CCDC33: variants seen among roughly 807,000 people sequenced by gnomAD.
CCDC33 encodes the protein coiled-coil domain containing 33, also known as coiled-coil domain-containing protein 33.
CCDC33 carries 94 observed loss-of-function variants against 91.9 expected under a neutral mutation model. That is an observed-to-expected ratio of 1.02 (90% CI 0.87 to 1.21). The LOEUF is 1.21. Among genes scored for constraint, CCDC33 ranks in the 50% most tolerant of loss-of-function variants. The pLI is 0.00. For missense variants in CCDC33, 940 were observed against 935.5 expected (o/e 1.00, Z -0.06); for synonymous variants, 396 against 374.5 (o/e 1.06, Z -0.66).
At chr15:74,222,081 A>G (rs2074614122) in intron 2 of CCDC33, among the ~76,000 whole-genome samples, 1 of 152,268 alleles carries the variant, frequency 6.6e-6, no homozygotes, top group Admixed American at 6.5e-5. Flanking sequence ...GGACATTTTT[A>G]GGGGAAAATG....
chr15:74,215,513 T>A (rs2074417417), upstream of CCDC33, among the ~76,000 whole-genome samples: 1 of 152,164 alleles, frequency 6.6e-6, no homozygotes, highest in Non-Finnish European at 1.5e-5. Context: ...GTTAGGATGG[T>A]ACATTTTATG....
intron 1 of CCDC33, among the ~76,000 whole-genome samples, chr15:74,242,747 A>C (rs367691977): frequency 2.0e-5 from 3 of 151,804 alleles, no homozygotes; most frequent in African/African-American, 7.3e-5. Context: ...GGACAAGGAC[A>C]CCCCTGAGCC....
intron 1 of CCDC33, among the ~76,000 whole-genome samples, chr15:74,205,637 G>A (rs760713511): frequency 1.3e-5 from 2 of 152,152 alleles, no homozygotes; most frequent in African/African-American, 2.4e-5. Flanking sequence ...AAACCATATC[G>A]GGCACTGAAG....
intron 7 of CCDC33, 121 bp downstream of exon 7, chr15:74,273,012 C>T (rs937198318): frequency 4.9e-5 from 65 of 1,322,792 alleles, no homozygotes; most frequent in South Asian, 1.3e-4. Flanking sequence ...CTGAATCCCA[C>T]GGCATACCCA....
At chr15:74,210,537 A>G (rs1327086161) in intron 2 of CCDC33, among the ~76,000 whole-genome samples, 2 of 152,240 alleles carry the variant, frequency 1.3e-5, no homozygotes, top group Non-Finnish European at 2.9e-5. Context: ...ACACACAGCA[A>G]ACTGTTCACA....
chr15:74,305,590 C>T (rs2059878736), intron 11 of CCDC33, among the ~76,000 whole-genome samples: 1 of 152,198 alleles, frequency 6.6e-6, no homozygotes, highest in Non-Finnish European at 1.5e-5. Context: ...GCCACATGAG[C>T]ACAGGGAGCA....
rs148924346 is a variant in CCDC33 at position 74,314,490 on chromosome 15, G to A, written c.1291-15699G>A. ...TCATGGCGACCTCAAGGCAGACAGT[G>A]GATTCAGTTAGGGCAAAATGCAAAC... is the stretch of plus-strand genomic sequence containing the variant. On this transcript the variant is annotated intron_variant, in intron 11 of 18. Coordinates refer to ENST00000398814, the MANE Select transcript of CCDC33 (RefSeq NM_025055.5). Among the ~76,000 whole-genome samples, 558 of 152,320 alleles carry A rather than the reference G, an allele frequency of 3.7e-3. 4 individuals carry two copies. The highest frequency in any genetic ancestry group is 6.8e-3 in the Middle Eastern group (2 of 294).
At chr15:74,230,964 A>G (rs2074952273) in intron 2 of CCDC33, among the ~76,000 whole-genome samples, 1 of 152,144 alleles carries the variant, frequency 6.6e-6, no homozygotes, top group Non-Finnish European at 1.5e-5. Context: ...CTTTTTGCCT[A>G]TTTGGTGGTG....
intron 11 of CCDC33, among the ~76,000 whole-genome samples, chr15:74,326,657 G>C (rs756991142): frequency 1.3e-5 from 2 of 152,228 alleles, no homozygotes; most frequent in Non-Finnish European, 2.9e-5. Context: ...AGTGTCAATG[G>C]GTGAGGAGAA....
intron 7 of CCDC33, among the ~76,000 whole-genome samples, chr15:74,278,079 G>A (rs1038882094): frequency 6.6e-5 from 10 of 152,196 alleles, no homozygotes; most frequent in African/African-American, 2.2e-4. Context: ...TTCTCTCACC[G>A]GACCTGTTGG....
chr15:74,266,707 A>G lies in CCDC33; in HGVS notation c.349A>G (p.Lys117Glu). ...GATCCTCAAGGTGGTGGACAACAGA[A>G]AGAAACAGGAGTTGTTGTCCTACAA... Reference protein sequence around the residue: ...DVILKVVDNRKKQELLSYKIP... With the variant: ...DVILKVVDNREKQELLSYKIP... Residue 117 changes from lysine (K) to glutamate (E), a missense_variant, in exon 4 of 19, where the codon AAG (lysine) becomes GAG (glutamate). Physicochemically the swap from Lys to Glu is moderately conservative, Grantham distance 56. Coordinates refer to ENST00000398814, the MANE Select transcript of CCDC33 (RefSeq NM_025055.5). 1 of 1,614,138 alleles carries G rather than the reference A, an allele frequency of 6.2e-7. No individual in the cohort carries two copies. The highest frequency in any genetic ancestry group is 8.5e-7 in the Non-Finnish European group (1 of 1,179,946).
At chr15:74,264,354 C>T (rs889057681) in intron 3 of CCDC33, among the ~76,000 whole-genome samples, 22 of 152,090 alleles carry the variant, frequency 1.4e-4, no homozygotes, top group South Asian at 8.3e-4. Context: ...ACAAAGGGAA[C>T]GGTGGGAGGC....
At chr15:74,326,370 C>T (rs2060310003) in intron 11 of CCDC33, among the ~76,000 whole-genome samples, 1 of 152,202 alleles carries the variant, frequency 6.6e-6, no homozygotes, top group South Asian at 2.1e-4. Context: ...AAAAGAGATG[C>T]TGTTGCCAGG....
At chr15:74,286,002 C>A (rs1596030742) in intron 10 of CCDC33, among the ~76,000 whole-genome samples, 1 of 152,160 alleles carries the variant, frequency 6.6e-6, no homozygotes, top group Admixed American at 6.5e-5. Flanking sequence ...AATCCCAAGA[C>A]TTTAGGAGTC....
chr15:74,326,130 G>C (rs1296158987), intron 11 of CCDC33, among the ~76,000 whole-genome samples: 1 of 152,136 alleles, frequency 6.6e-6, no homozygotes, highest in Non-Finnish European at 1.5e-5. Context: ...TTCAAGACCA[G>C]CCTGGGCAAC....
intron 2 of CCDC33, among the ~76,000 whole-genome samples, chr15:74,255,096 C>CA (rs2075821280): frequency 7.4e-6 from 1 of 135,656 alleles, no homozygotes; most frequent in East Asian, 2.0e-4. Context: ...CCCCTTTCCC[C>CA]CCATCCTGAA....
intron 11 of CCDC33, chr15:74,311,905 C>T (rs1465178084): frequency 6.6e-6 from 1 of 152,238 alleles, no homozygotes; most frequent in Non-Finnish European, 1.5e-5. Flanking sequence ...ACACCAGGGT[C>T]CAGCTGTGGC....
chr15:74,275,973 C>T (rs1287370214), intron 7 of CCDC33, among the ~76,000 whole-genome samples: 3 of 152,192 alleles, frequency 2.0e-5, no homozygotes, highest in Admixed American at 6.5e-5. Flanking sequence ...CCAGCAGCAC[C>T]CTCTCTTCTT....
chr15:74,326,877 A>G (rs2060320023), intron 11 of CCDC33, among the ~76,000 whole-genome samples: 1 of 152,098 alleles, frequency 6.6e-6, no homozygotes, highest in South Asian at 2.1e-4. Context: ...CCTGTTCTCA[A>G]GGCTGGGCTG....
Sources: allele counts gnomAD v4.1 joint callset (sites outside exome capture counted in the v4.1 genomes callset), GRCh38; gene constraint gnomAD v4.1.1; transcripts MANE v1.5; gene names NCBI Gene and HGNC (gene_info 2026-07-23, HGNC 2026-07-21).